The following TTC17 variants were observed in gnomAD, a reference collection of about 807,000 sequenced individuals.
TTC17 encodes tetratricopeptide repeat domain 17, also known as tetratricopeptide repeat protein 17.
Under a neutral mutation model 143.8 loss-of-function variants are expected in TTC17, and 58 were observed. The observed-to-expected ratio is 0.40, with a 90% CI of 0.33 to 0.50. TTC17 has a LOEUF of 0.50. Among genes scored for constraint, TTC17 ranks in the 20% least tolerant of loss-of-function variants. TTC17 has a pLI of 0.49. For missense variants in TTC17, 1,273 were observed against 1,392.5 expected, an observed-to-expected ratio of 0.91 and a Z score of 1.37; for synonymous variants, 501 against 497.8, an observed-to-expected ratio of 1.01 and a Z score of -0.09.
chr11:43,463,408 A>G (rs1449773555), intron 21 of TTC17, among the ~76,000 whole-genome samples: 4 of 152,224 alleles, frequency 2.6e-5, no homozygotes, highest in Non-Finnish European at 5.9e-5. Context: ...TAAAAATAGC[A>G]TACAAAATAA....
intron 21 of TTC17, among the ~76,000 whole-genome samples, chr11:43,459,292 G>A (rs1287867250): frequency 6.6e-6 from 1 of 152,122 alleles, no homozygotes; most frequent in Non-Finnish European, 1.5e-5. Flanking sequence ...CCAATTCCAG[G>A]GGTAGGGAAC....
At chr11:43,456,624 A>T (rs1473179367) in intron 21 of TTC17, among the ~76,000 whole-genome samples, 1 of 152,204 alleles carries the variant, frequency 6.6e-6, no homozygotes, top group Non-Finnish European at 1.5e-5. Flanking sequence ...ATTGCTAGTG[A>T]CAGAAGAACC....
intron 16 of TTC17, among the ~76,000 whole-genome samples, chr11:43,415,509 C>A (rs1946758610): frequency 1.3e-5 from 2 of 151,994 alleles, no homozygotes; most frequent in Admixed American, 6.5e-5. Context: ...CAGTATCTAG[C>A]CATTGTAGAG....
Position 43,391,911 on chromosome 11 carries a change from A to G in TTC17, c.622A>G (p.Ile208Val), listed in dbSNP as rs754872388. ...TYLSKRLGRSIDDIGHLIHEG... is the reference protein window; with the variant it reads ...TYLSKRLGRSVDDIGHLIHEG... ...TTTATCTAAACGGTTAGGAAGGAGT[A>G]TAGATGACATAGGTCACCTCATTCA... Residue 208 changes from isoleucine (I) to valine (V), a missense_variant, in exon 5 of 24, where the codon ATA becomes GTA. Ile to Val is a conservative substitution (Grantham distance 29). Coordinates refer to ENST00000039989, the MANE Select transcript of TTC17 (RefSeq NM_018259.6). The G allele has an allele frequency of 1.9e-6, 3 of 1,613,194 alleles. No homozygotes were observed. The highest frequency in any genetic ancestry group is 2.2e-5 in the East Asian group (1 of 44,850).
chr11:43,424,840 T>C (rs1565159004), intron 16 of TTC17, among the ~76,000 whole-genome samples: 1 of 152,186 alleles, frequency 6.6e-6, no homozygotes, highest in Admixed American at 6.5e-5. Flanking sequence ...ATTGAAGAAA[T>C]AGGGCATTTC....
intron 18 of TTC17, 147 bp from the exon 19 acceptor site, chr11:43,447,855 A>C: frequency 1.1e-6 from 1 of 942,406 alleles, no homozygotes; most frequent in Non-Finnish European, 1.6e-6. Flanking sequence ...TTTTAATTAG[A>C]TCATAGATGG....
At chr11:43,391,707 A>C (rs1320122531) in intron 4 of TTC17, 114 bp from the exon 5 acceptor site, 1 of 1,376,604 alleles carries the variant, frequency 7.3e-7, no homozygotes, top group East Asian at 2.5e-5. Context: ...GACATCTCTT[A>C]TTTCTTAAAA....
chr11:43,388,358 A>G (rs1008644201), intron 2 of TTC17, among the ~76,000 whole-genome samples: 18 of 152,010 alleles, frequency 1.2e-4, no homozygotes, highest in African/African-American at 4.1e-4. Flanking sequence ...GCAATGCTGT[A>G]TTTTGATTTT....
chr11:43,380,689 A>T (rs1419211624), intron 2 of TTC17, among the ~76,000 whole-genome samples: 2 of 152,224 alleles, frequency 1.3e-5, no homozygotes, highest in African/African-American at 2.4e-5. Context: ...ATGTACTTTT[A>T]AAAAAATCTG....
At chr11:43,490,094 G>A in intron 21 of TTC17, 145 bp from the exon 22 acceptor site, 1 of 1,085,716 alleles carries the variant, frequency 9.2e-7, no homozygotes, top group African/African-American at 1.6e-5. Flanking sequence ...ATGAAGGACA[G>A]GTGGAACAGA....
At chr11:43,392,083 C>T (rs944662884) in intron 5 of TTC17, 131 bp downstream of exon 5, 8 of 1,074,872 alleles carry the variant, frequency 7.4e-6, no homozygotes, top group South Asian at 7.1e-5. Context: ...ATTACACTTA[C>T]ATTGATGCAA....
intron 2 of TTC17, among the ~76,000 whole-genome samples, chr11:43,387,061 G>A (rs1031208882): frequency 2.6e-5 from 4 of 152,052 alleles, no homozygotes; most frequent in African/African-American, 7.2e-5. Context: ...TAAGATTATA[G>A]GCACAAGCCA....
chr11:43,404,691 A>G (rs1858030727), intron 11 of TTC17, among the ~76,000 whole-genome samples: 1 of 152,168 alleles, frequency 6.6e-6, no homozygotes, highest in Non-Finnish European at 1.5e-5. Context: ...TTCACCATTA[A>G]ATTTTCAGAA....
At position 43,396,837 on chromosome 11, in the gene TTC17, T is replaced by C. The variant is rs747029608; in HGVS notation, c.773+19T>C. 16 of 1,515,846 alleles carry C rather than the reference T, an allele frequency of 1.1e-5. No homozygotes were observed. The highest frequency in any genetic ancestry group is 1.3e-5 in the Non-Finnish European group (14 of 1,097,860). 93.9% of individuals were successfully genotyped at this position (1,515,846 alleles called of 1,614,324 possible). On this transcript the variant is annotated intron_variant, in intron 6 of 23. Transcript: ENST00000039989. ...CTTCCAGGTAAGATTCCTCCTCTTC[T>C]GGACCTGATTTTCCACATTCCTCAG...
intron 21 of TTC17, among the ~76,000 whole-genome samples, chr11:43,481,772 C>T (rs1450156638): frequency 2.0e-5 from 3 of 151,970 alleles, no homozygotes; most frequent in Non-Finnish European, 4.4e-5. Context: ...TTTTTCTGAT[C>T]AGACTCGCTA....
At chr11:43,386,836 G>A (rs1857188120) in intron 2 of TTC17, among the ~76,000 whole-genome samples, 1 of 151,946 alleles carries the variant, frequency 6.6e-6, no homozygotes, top group Admixed American at 6.6e-5. Flanking sequence ...GCCCCAGCTG[G>A]AAAGCAGGTA....
At position 43,401,453 on chromosome 11, in the gene TTC17, T is replaced by C; in HGVS notation, c.1227T>C (p.His409=). 1 of 1,608,416 alleles carries C rather than the reference T, an allele frequency of 6.2e-7. No individual in the cohort carries two copies. The highest frequency in any genetic ancestry group is 1.1e-5 in the South Asian group (1 of 89,646). The change falls in exon 10 of 24, where the codon CAT becomes CAC. Residue 409 remains histidine, a synonymous_variant. Transcript: ENST00000039989. ...QMAKEAQLGN[H]QICRLVNQQH... is the part of the protein sequence containing the mutation. Reference sequence around the variant, plus strand: ...TTTCCTTTCTTATTCCAGGAAATCATCAGATATGCCGACTGGTCAACCAGC... The same window carrying C: ...TTTCCTTTCTTATTCCAGGAAATCACCAGATATGCCGACTGGTCAACCAGC...
intron 1 of TTC17, among the ~76,000 whole-genome samples, chr11:43,360,560 C>T (rs1449580702): frequency 6.6e-6 from 1 of 152,122 alleles, no homozygotes; most frequent in Admixed American, 6.6e-5. Context: ...TTGTTTTTGG[C>T]CACAGCTATT....
rs774454169 is a variant in TTC17, at chr11:43,472,188, T to TA, written c.3031-18044dup. ...CCTGAACAACAGAGACCATCTCTACTAAAAAAAGCAAACAAACCAACCTAG... is the reference window on the plus strand; with the variant it reads ...CCTGAACAACAGAGACCATCTCTACTAAAAAAAAGCAAACAAACCAACCTAG... On this transcript the variant is annotated intron_variant, in intron 21 of 23. Transcript: ENST00000039989. Among the ~76,000 whole-genome samples the TA allele has an allele frequency of 5.3e-5, 8 of 152,048 alleles. No homozygotes were observed. The South Asian group carries it at 6.2e-4, about 12-fold the overall frequency.
Sources: gnomAD v4.1 joint callset for allele counts (sites outside exome capture counted in the v4.1 genomes callset) on GRCh38, gnomAD v4.1.1 for gene constraint, MANE v1.5 for transcripts, NCBI Gene and HGNC (gene_info 2026-07-23, HGNC 2026-07-21) for gene names.